Variants in CAMTA1 observed in about 807,000 individuals in gnomAD.
CAMTA1 encodes calmodulin-binding transcription activator 1.
A neutral mutation model predicts 170.9 loss-of-function variants in CAMTA1; 27 were observed. The ratio of observed to expected loss-of-function variants is 0.16; its 90% confidence interval spans 0.12 to 0.22. The LOEUF is 0.22. Among genes scored for constraint, CAMTA1 ranks in the 10% least tolerant of loss-of-function variants. The pLI is 1.00. For missense variants in CAMTA1, 1,619 were observed against 2,217.2 expected (o/e 0.73, Z 5.42); for synonymous variants, 833 against 891.5 (o/e 0.93, Z 1.17).
chr1:6,912,420 A>G (rs1679919868), intron 3 of CAMTA1, among the ~76,000 whole-genome samples: 1 of 152,218 alleles, frequency 6.6e-6, no homozygotes, highest in African/African-American at 2.4e-5. Context: ...CACTAATGAA[A>G]TATTAAAGTG....
intron 5 of CAMTA1, among the ~76,000 whole-genome samples, chr1:7,324,555 C>T (rs1465552869): frequency 6.6e-6 from 1 of 151,872 alleles, no homozygotes; most frequent in Admixed American, 6.6e-5. Flanking sequence ...CTTCTTTCGC[C>T]ATGTTTTCAA....
chr1:7,624,617 G>A (rs1437351188), intron 6 of CAMTA1, among the ~76,000 whole-genome samples: 1 of 152,230 alleles, frequency 6.6e-6, no homozygotes, highest in Non-Finnish European at 1.5e-5. Context: ...CCCAGCACAG[G>A]GGCTGTCTCT....
At chr1:7,502,212 C>T (rs1253401191) in intron 6 of CAMTA1, among the ~76,000 whole-genome samples, 1 of 152,216 alleles carries the variant, frequency 6.6e-6, no homozygotes, top group Non-Finnish European at 1.5e-5. Context: ...TCTGGAGGTC[C>T]AGTTCTCCAC....
intron 3 of CAMTA1, among the ~76,000 whole-genome samples, chr1:6,921,513 A>G (rs1557829595): frequency 6.6e-6 from 1 of 152,162 alleles, no homozygotes; most frequent in Non-Finnish European, 1.5e-5. Flanking sequence ...TCACTTCCAC[A>G]TTTTTGGGTA....
intron 3 of CAMTA1, among the ~76,000 whole-genome samples, chr1:6,922,139 GTTTTT>G (rs543204663): frequency 6.6e-6 from 1 of 152,090 alleles, no homozygotes; most frequent in African/African-American, 2.4e-5. Flanking sequence ...CACTATACCT[GTTTTT>G]TTAACTCCCC....
At chr1:7,320,839 C>T (rs1307012920) in intron 5 of CAMTA1, among the ~76,000 whole-genome samples, 2 of 151,972 alleles carry the variant, frequency 1.3e-5, no homozygotes, top group Non-Finnish European at 2.9e-5. Context: ...CAGTTGGGCC[C>T]ATGGGCTCAG....
intron 3 of CAMTA1, among the ~76,000 whole-genome samples, chr1:7,074,020 G>T (rs1638983901): frequency 6.6e-6 from 1 of 152,202 alleles, no homozygotes; most frequent in African/African-American, 2.4e-5. Context: ...GGCTTAAAAG[G>T]TTTGCTGGTA....
At chr1:7,611,269 G>A (rs553471669) in intron 6 of CAMTA1, among the ~76,000 whole-genome samples, 1 of 152,264 alleles carries the variant, frequency 6.6e-6, no homozygotes, top group South Asian at 2.1e-4. Flanking sequence ...TGTTCATTGT[G>A]GATTTTTTTC....
At chr1:7,294,366 C>T (rs1197206931) in intron 5 of CAMTA1, among the ~76,000 whole-genome samples, 1 of 152,136 alleles carries the variant, frequency 6.6e-6, no homozygotes, top group Admixed American at 6.5e-5. Context: ...TATGAAACCA[C>T]GGAGAGGCAC....
chr1:7,104,332 C>T (rs1643356947), intron 4 of CAMTA1, among the ~76,000 whole-genome samples: 1 of 151,588 alleles, frequency 6.6e-6, no homozygotes, highest in African/African-American at 2.4e-5. Flanking sequence ...CACACATATA[C>T]ATACATGTAC....
chr1:7,751,408 C>A lies in CAMTA1; in HGVS notation c.4883+16C>A. 1 of 1,562,472 alleles carries A rather than the reference C, an allele frequency of 6.4e-7. No homozygotes were observed. The highest frequency in any genetic ancestry group is 8.6e-7 in the Non-Finnish European group (1 of 1,159,440). On this transcript the variant is annotated intron_variant, in intron 20 of 22. Transcript: ENST00000303635. ...AGAAACTCAGGTGGGTGGAGAAGAG[C>A]TCATGGAGGTAAAGCTCCCTAGGGA...
At chr1:6,854,865 T>C (rs1570964834) in intron 3 of CAMTA1, among the ~76,000 whole-genome samples, 1 of 152,206 alleles carries the variant, frequency 6.6e-6, no homozygotes, top group East Asian at 1.9e-4. Context: ...ACTTCCTTAA[T>C]TTGATAAAGA....
chr1:7,023,261 C>T (rs1048631867), intron 3 of CAMTA1, among the ~76,000 whole-genome samples: 8 of 152,110 alleles, frequency 5.3e-5, no homozygotes, highest in East Asian at 1.9e-4. Context: ...AATTTGGTCC[C>T]GAATTAGTGG....
chr1:7,310,671 C>CTTTCT (rs59687486), intron 5 of CAMTA1, among the ~76,000 whole-genome samples: 3 of 33,324 alleles, frequency 9.0e-5, no homozygotes, highest in African/African-American at 4.7e-4. Context: ...TTCTTTCTTT[C>CTTTCT]CTTTCTTTCT....
chr1:7,200,618 G>A (rs1656489494), intron 4 of CAMTA1, among the ~76,000 whole-genome samples: 1 of 152,138 alleles, frequency 6.6e-6, no homozygotes, highest in African/African-American at 2.4e-5. Flanking sequence ...CTCAGTTCTG[G>A]TTTGTCTGAG....
At chr1:6,808,863 T>C (rs531323064) in intron 1 of CAMTA1, among the ~76,000 whole-genome samples, 9 of 152,166 alleles carry the variant, frequency 5.9e-5, no homozygotes, top group East Asian at 1.9e-4. Context: ...CACACACACA[T>C]GCAATTTTGT....
intron 5 of CAMTA1, among the ~76,000 whole-genome samples, chr1:7,272,236 A>C (rs1195251066): frequency 1.3e-5 from 2 of 152,148 alleles, no homozygotes; most frequent in Non-Finnish European, 2.9e-5. Flanking sequence ...ATATTCTTGA[A>C]AGAAGTTAAA....
chr1:7,196,186 C>A (rs1251153047), intron 4 of CAMTA1, among the ~76,000 whole-genome samples: 1 of 151,690 alleles, frequency 6.6e-6, no homozygotes, highest in Non-Finnish European at 1.5e-5. Flanking sequence ...AAGTGTGTGG[C>A]ACTTCCCCCT....
At chr1:7,316,126 C>T (rs991990480) in intron 5 of CAMTA1, among the ~76,000 whole-genome samples, 7 of 152,100 alleles carry the variant, frequency 4.6e-5, no homozygotes, top group Admixed American at 1.3e-4. Context: ...GAGAACAGCA[C>T]GGGGGAAACA....
Sources: gnomAD v4.1 joint callset for allele counts (sites outside exome capture counted in the v4.1 genomes callset) on GRCh38, gnomAD v4.1.1 for gene constraint, MANE v1.5 for transcripts, NCBI Gene and HGNC (gene_info 2026-07-23, HGNC 2026-07-21) for gene names.